Variants in STK3 observed in about 807,000 individuals in gnomAD.
STK3 encodes serine/threonine-protein kinase 3.
A neutral mutation model predicts 58.0 loss-of-function variants in STK3; 41 were observed. The ratio of observed to expected loss-of-function variants is 0.71; its 90% CI spans 0.55 to 0.92. STK3 has a LOEUF of 0.92. Among genes scored for constraint, STK3 ranks in the 40% least tolerant of loss-of-function variants. The probability of loss-of-function intolerance (pLI) is 0.00; values close to 1 mark genes in which losing one functional copy is unlikely to be tolerated. For synonymous variants in STK3, 170 were observed against 191.0 expected, an observed-to-expected ratio of 0.89 and a Z score of 0.91; for missense variants, 479 against 602.7, an observed-to-expected ratio of 0.79 and a Z score of 2.15.
chr8:98,379,838 C>T (rs964000159), intron 1 of STK3, among the ~76,000 whole-genome samples: 2 of 152,158 alleles, frequency 1.3e-5, no homozygotes, highest in Non-Finnish European at 2.9e-5. Context: ...TGAAGAGATG[C>T]TAGAACTCCC....
chr8:98,510,363 A>C (rs1824412711), intron 10 of STK3, among the ~76,000 whole-genome samples: 1 of 152,110 alleles, frequency 6.6e-6, no homozygotes, highest in African/African-American at 2.4e-5. Context: ...TCAGTTTTGC[A>C]AATAGTTACA....
At chr8:98,674,692 G>C (rs1823070335) in intron 6 of STK3, among the ~76,000 whole-genome samples, 1 of 152,110 alleles carries the variant, frequency 6.6e-6, no homozygotes, top group South Asian at 2.1e-4. Flanking sequence ...AAGCTACTAG[G>C]AGAGACTATG....
intron 10 of STK3, among the ~76,000 whole-genome samples, chr8:98,456,354 C>A (rs1428456217): frequency 1.3e-5 from 2 of 152,252 alleles, no homozygotes; most frequent in African/African-American, 4.8e-5. Flanking sequence ...TATATTCACT[C>A]TAACTTTTTA....
At chr8:98,740,971 A>G (rs1287924170) in intron 4 of STK3, among the ~76,000 whole-genome samples, 6 of 152,168 alleles carry the variant, frequency 3.9e-5, no homozygotes, top group Non-Finnish European at 8.8e-5. Flanking sequence ...CAGACTTTAA[A>G]CCAACAAAGA....
intron 1 of STK3, among the ~76,000 whole-genome samples, chr8:98,895,901 T>C (rs1838426043): frequency 6.6e-6 from 1 of 152,198 alleles, no homozygotes; most frequent in Admixed American, 6.5e-5. Context: ...GGAACAAATA[T>C]TTATTGAATA....
intron 1 of STK3, among the ~76,000 whole-genome samples, chr8:98,777,676 T>C (rs977057273): frequency 1.3e-4 from 20 of 152,178 alleles, no homozygotes; most frequent in Non-Finnish European, 1.5e-5. Flanking sequence ...GGAAATCACG[T>C]CACTTTATAA....
At chr8:98,930,351 T>C (rs1839962592) in intron 1 of STK3, among the ~76,000 whole-genome samples, 1 of 152,238 alleles carries the variant, frequency 6.6e-6, no homozygotes, top group Non-Finnish European at 1.5e-5. Context: ...TCACTGTAGC[T>C]TTGAATTCCT....
At chr8:98,733,611 C>T (rs998103319) in intron 4 of STK3, among the ~76,000 whole-genome samples, 1 of 152,168 alleles carries the variant, frequency 6.6e-6, no homozygotes, top group African/African-American at 2.4e-5. Flanking sequence ...ACTGTGCTAA[C>T]GGATTCTCTC....
chr8:98,654,330 A>G (rs1821277357), intron 6 of STK3, among the ~76,000 whole-genome samples: 1 of 152,212 alleles, frequency 6.6e-6, no homozygotes, highest in Non-Finnish European at 1.5e-5. Context: ...GATGGGACGT[A>G]TGTCAAAATA....
intron 6 of STK3, among the ~76,000 whole-genome samples, chr8:98,666,366 C>A (rs1198817425): frequency 6.6e-6 from 1 of 151,982 alleles, no homozygotes; most frequent in Non-Finnish European, 1.5e-5. Flanking sequence ...GAAAAAGTAA[C>A]CTTATAGTAA....
intron 10 of STK3, among the ~76,000 whole-genome samples, chr8:98,507,403 A>G (rs916409968): frequency 6.6e-6 from 1 of 152,156 alleles, no homozygotes; most frequent in Non-Finnish European, 1.5e-5. Flanking sequence ...CAGTTATACA[A>G]TTTTGTTGCC....
rs149751892 is a variant in STK3 at position 98,859,047 on chromosome 8, A to C, written c.110+24600T>G. Among the ~76,000 whole-genome samples the C allele has an allele frequency of 9.6e-4, 146 of 152,332 alleles. 2 individuals carry two copies. The East Asian group carries it at 0.027, about 28-fold the overall frequency. Reference sequence around the variant, plus strand: ...ATTCTTGACTATTCTTTCAGAAGGAAAGCAAATTTACAGAGAAAGGGGAGA... The same window carrying C: ...ATTCTTGACTATTCTTTCAGAAGGACAGCAAATTTACAGAGAAAGGGGAGA... On this transcript the variant is annotated intron_variant, in intron 3 of 12. Transcript: ENST00000523601.
intron 10 of STK3, among the ~76,000 whole-genome samples, chr8:98,477,671 A>G (rs947369219): frequency 4.2e-5 from 5 of 118,508 alleles, no homozygotes; most frequent in Non-Finnish European, 8.2e-5. Flanking sequence ...TAAGGTTTCA[A>G]TGGCTAGCCT....
intron 8 of STK3, among the ~76,000 whole-genome samples, chr8:98,572,656 C>A (rs1180476877): frequency 6.6e-6 from 1 of 152,152 alleles, no homozygotes; most frequent in East Asian, 1.9e-4. Context: ...TGTAGAAAGA[C>A]TTCAGATTCA....
intron 3 of STK3, among the ~76,000 whole-genome samples, chr8:98,394,526 A>G (rs1409988952): frequency 6.6e-6 from 1 of 152,196 alleles, no homozygotes; most frequent in African/African-American, 2.4e-5. Flanking sequence ...AGAAAAAAAC[A>G]AAATAAAATA....
intron 3 of STK3, among the ~76,000 whole-genome samples, chr8:98,840,435 G>C: frequency 6.7e-6 from 1 of 148,446 alleles, no homozygotes; most frequent in African/African-American, 2.5e-5. Flanking sequence ...ACCTGGGTGT[G>C]GTGGCACCTG....
In STK3 at chr8:98,800,573, C is replaced by G. The variant is rs972969483; in HGVS notation, c.26+24942G>C. ...GGCCGGAGCCGGCTCCCTCTGCTTG[C>G]GGGAAGGTGTGGAGGGAGAAGCGTG... On this transcript the variant is annotated intron_variant, in intron 1 of 10. Transcript: ENST00000419617. The surrounding 1 kb of genome is among the most constrained non-coding windows in gnomAD (Gnocchi z 4.8). Among the ~76,000 whole-genome samples the G allele has an allele frequency of 6.6e-6, 1 of 152,184 alleles. No homozygotes were observed. The highest frequency in any genetic ancestry group is 1.5e-5 in the Non-Finnish European group (1 of 68,030).
At chr8:98,918,508 C>T (rs957485578) in intron 1 of STK3, among the ~76,000 whole-genome samples, 8 of 152,076 alleles carry the variant, frequency 5.3e-5, no homozygotes, top group African/African-American at 1.9e-4. Context: ...GGTGGCTTAT[C>T]CCTGTAATCC....
intron 6 of STK3, among the ~76,000 whole-genome samples, chr8:98,686,744 A>G (rs1563888989): frequency 6.6e-6 from 1 of 152,150 alleles, no homozygotes; most frequent in Non-Finnish European, 1.5e-5. Context: ...AACCAAACAG[A>G]ACCTCTGGAA....
Sources: allele counts gnomAD v4.1 joint callset (sites outside exome capture counted in the v4.1 genomes callset), GRCh38; gene constraint gnomAD v4.1.1; non-coding constraint Gnocchi (gnomAD v3.1); transcripts MANE v1.5; gene names NCBI Gene and HGNC (gene_info 2026-07-23, HGNC 2026-07-21).